Variants in ANKRD30B observed in about 807,000 individuals in gnomAD.
ANKRD30B encodes the protein ankyrin repeat domain 30B.
A neutral mutation model predicts 202.2 loss-of-function variants in ANKRD30B; 144 were observed. The ratio of observed to expected loss-of-function variants is 0.71; its 90% CI spans 0.62 to 0.82. The LOEUF (loss-of-function observed/expected upper bound fraction) is 0.82, where lower values mean the gene tolerates loss of function less well. Among genes scored for constraint, ANKRD30B ranks in the 40% least tolerant of loss-of-function variants. The pLI, the probability that ANKRD30B is intolerant of heterozygous loss-of-function variation, is 0.00. For missense variants in ANKRD30B, 1,487 were observed against 1,669.1 expected, an observed-to-expected ratio of 0.89 and a Z score of 1.90; for synonymous variants, 508 against 561.3, an observed-to-expected ratio of 0.91 and a Z score of 1.34.
chr18:14,864,873 C>T, the ANKRD30B span, among the ~76,000 whole-genome samples: 1 of 151,432 alleles, frequency 6.6e-6, no homozygotes, highest in South Asian at 2.1e-4. Context: ...TTTGCAAAGC[C>T]TCTTCTCTCC....
intron 1 of ANKRD30B, among the ~76,000 whole-genome samples, chr18:14,751,187 T>C (rs1913386305): frequency 6.6e-6 from 1 of 152,042 alleles, no homozygotes; most frequent in African/African-American, 2.4e-5. Context: ...ATTACATATA[T>C]GTCAATAACT....
intron 11 of ANKRD30B, 124 bp from the exon 12 acceptor site, chr18:14,782,403 G>T: frequency 1.5e-6 from 1 of 681,076 alleles, no homozygotes. Flanking sequence ...TTCAATATGT[G>T]CCTATCCTCA....
chr18:14,781,715 G>A (rs1201363694), intron 11 of ANKRD30B, among the ~76,000 whole-genome samples: 1 of 152,136 alleles, frequency 6.6e-6, no homozygotes, highest in Non-Finnish European at 1.5e-5. Flanking sequence ...CAGATATTCT[G>A]CTCTGCCAGT....
At chr18:14,757,783 G>C (rs1472389806) in intron 4 of ANKRD30B, 32 bp from the exon 5 acceptor site, 1 of 1,602,396 alleles carries the variant, frequency 6.2e-7, no homozygotes, top group Non-Finnish European at 8.5e-7. Context: ...AATTGATTCT[G>C]CTCATAATAA....
chr18:14,778,028 A>C lies in ANKRD30B; in HGVS notation c.1373A>C (p.Asp458Ala), dbSNP rs1216280571. The change falls in exon 10 of 44, where the codon GAT becomes GCT. Residue 458 changes from aspartate to alanine, a missense_variant. By Grantham distance (126) the Asp-to-Ala change is moderately radical. Coordinates refer to ENST00000690538, the MANE Select transcript of ANKRD30B (RefSeq NM_001367607.2). ...GCACAGAATTATACGTGTTTACCTGATGCTACATATCAAAAAGATATCAAA... is the reference window on the plus strand; with the variant it reads ...GCACAGAATTATACGTGTTTACCTGCTGCTACATATCAAAAAGATATCAAA... ...SAAQNYTCLPDATYQKDIKTI... is the reference protein window; with the variant it reads ...SAAQNYTCLPAATYQKDIKTI... 1 of 1,549,408 alleles carries C rather than the reference A, an allele frequency of 6.5e-7. No individual in the cohort carries two copies. Among genetic ancestry groups the C allele is most frequent in the Admixed American group, 2.0e-5 (1 of 50,854 alleles).
At chr18:14,767,219 C>T (rs1288436795) in intron 7 of ANKRD30B, among the ~76,000 whole-genome samples, 1 of 152,058 alleles carries the variant, frequency 6.6e-6, no homozygotes, top group East Asian at 1.9e-4. Context: ...CTCTCTCTCA[C>T]ACAAACATAA....
At chr18:14,786,059 A>C (rs1191535145) in intron 14 of ANKRD30B, among the ~76,000 whole-genome samples, 16 of 151,420 alleles carry the variant, frequency 1.1e-4, no homozygotes, top group Non-Finnish European at 2.2e-4. Flanking sequence ...AAAAAAAAAA[A>C]AAAAAAAAAA....
intron 1 of ANKRD30B, among the ~76,000 whole-genome samples, chr18:14,750,557 T>C (rs1913261868): frequency 6.6e-6 from 1 of 152,136 alleles, no homozygotes; most frequent in African/African-American, 2.4e-5. Flanking sequence ...TTTAAAAAAT[T>C]GTATATGCCC....
At chr18:14,816,527 TC>T (rs1970115747) in intron 30 of ANKRD30B, 1 of 150,710 alleles carries the variant, frequency 6.6e-6, no homozygotes, top group South Asian at 2.1e-4. Context: ...GTGCCTCTAG[TC>T]CCAGCTACTC....
In ANKRD30B at chr18:14,852,028, C is replaced by T; in HGVS notation, c.4084C>T (p.Pro1362Ser). 2 of 1,603,986 alleles carry T rather than the reference C, an allele frequency of 1.2e-6. No individual in the cohort carries two copies. The highest frequency in any genetic ancestry group is 8.5e-7 in the Non-Finnish European group (1 of 1,174,452). ...LYEAQRKSKS[P>S]KINLNYAGDD... ...TGAAGCTCAAAGGAAATCCAAAAGCCCAAAAATTAATCTCAATTATGCAGG... is the reference window on the plus strand; with the variant it reads ...TGAAGCTCAAAGGAAATCCAAAAGCTCAAAAATTAATCTCAATTATGCAGG... The change falls in exon 42 of 44, where the codon CCA (proline) becomes TCA (serine). Residue 1362 changes from proline to serine, a missense_variant. This residue lies in a region of ANKRD30B where 182 missense variants were observed against 216.0 expected (regional missense o/e 0.84). Transcript: ENST00000690538.
intron 28 of ANKRD30B, among the ~76,000 whole-genome samples, chr18:14,811,360 C>T (rs9303867): frequency 0.037 from 5,502 of 149,054 alleles, 388 homozygotes; most frequent in African/African-American, 0.12. Flanking sequence ...TCCAGGCGCC[C>T]ACCACAACGC....
rs1167838473 is a variant in ANKRD30B, at chr18:14,840,678, G to A, written c.3079G>A (p.Glu1027Lys). The change falls in exon 37 of 44, where the codon GAG becomes AAG. Residue 1027 changes from glutamate to lysine, a missense_variant and splice_region_variant. Transcript: ENST00000690538. ...AAAGACAACAAATGGCAAAATAGAA[G>A]GTAAGAACCATTTTTTATTTAAAAC... Reference protein sequence around the residue: ...EIKTTNGKIEESPEKPSHFEP... With the variant: ...EIKTTNGKIEKSPEKPSHFEP... The A allele has an allele frequency of 6.7e-7, 1 of 1,485,094 alleles. No homozygotes were observed. Among genetic ancestry groups the A allele is most frequent in the Non-Finnish European group, 9.1e-7 (1 of 1,098,704 alleles). 92.0% of individuals were successfully genotyped at this position (1,485,094 alleles called of 1,614,324 possible).
In ANKRD30B at chr18:14,788,964, C is replaced by T. The variant is rs573730327; in HGVS notation, c.1734+1864C>T. Among the ~76,000 whole-genome samples, 14 of 152,208 alleles carry T rather than the reference C, an allele frequency of 9.2e-5. 1 individual carries two copies. In the South Asian group the frequency reaches 1.0e-3, roughly 11 times the overall value. ...TTCTAGTTCTAGATCCCTGAGGAATCGCCACACTGACTTCCACAATGGTTG... is the reference window on the plus strand; with the variant it reads ...TTCTAGTTCTAGATCCCTGAGGAATTGCCACACTGACTTCCACAATGGTTG... On this transcript the variant is annotated intron_variant, in intron 15 of 43. Coordinates refer to ENST00000690538, the MANE Select transcript of ANKRD30B (RefSeq NM_001367607.2).
the ANKRD30B span, among the ~76,000 whole-genome samples, chr18:14,874,244 T>G: frequency 2.0e-5 from 3 of 152,222 alleles, no homozygotes; most frequent in Admixed American, 1.3e-4. Context: ...ACGCTCTTCC[T>G]TTTGGAGATT....
chr18:14,922,907 G>T, the ANKRD30B span, among the ~76,000 whole-genome samples: 1 of 152,122 alleles, frequency 6.6e-6, no homozygotes, highest in Non-Finnish European at 1.5e-5. Flanking sequence ...AAGAAGACTT[G>T]GTTTTGCATC....
intron 22 of ANKRD30B, among the ~76,000 whole-genome samples, 190 bp downstream of exon 22, chr18:14,799,485 A>G (rs1394462856): frequency 1.3e-5 from 2 of 152,170 alleles, no homozygotes; most frequent in Non-Finnish European, 2.9e-5. Flanking sequence ...GGGATTTAGA[A>G]AAAAATTCTG....
the ANKRD30B span, chr18:14,910,245 C>G: frequency 6.6e-6 from 1 of 152,068 alleles, no homozygotes; most frequent in Admixed American, 6.6e-5. Context: ...CACCCTCCCA[C>G]CTTTTGTAGT....
intron 22 of ANKRD30B, among the ~76,000 whole-genome samples, chr18:14,801,691 A>G (rs1598643568): frequency 1.9e-5 from 1 of 52,160 alleles, no homozygotes; most frequent in Admixed American, 2.5e-4. Context: ...CACCCAATAT[A>G]CTGTCATGGC....
chr18:14,777,936 A>C, intron 9 of ANKRD30B, 49 bp from the exon 10 acceptor site: 3 of 1,408,604 alleles, frequency 2.1e-6, no homozygotes, highest in Non-Finnish European at 2.9e-6. Flanking sequence ...ATCTCAAAAA[A>C]ACAAAAAAAG....
Sources: allele counts gnomAD v4.1 joint callset (sites outside exome capture counted in the v4.1 genomes callset), GRCh38; gene constraint gnomAD v4.1.1; regional missense constraint gnomAD v4.1.1; transcripts MANE v1.5; gene names NCBI Gene and HGNC (gene_info 2026-07-23, HGNC 2026-07-21).